CPXM2: variants seen among roughly 807,000 people sequenced by gnomAD.
CPXM2 encodes carboxypeptidase X, M14 family member 2, also known as inactive carboxypeptidase-like protein X2.
A neutral mutation model predicts 86.1 loss-of-function variants in CPXM2; 66 were observed. The ratio of observed to expected loss-of-function variants is 0.77; its 90% CI spans 0.63 to 0.94. The LOEUF (loss-of-function observed/expected upper bound fraction) is 0.94, where lower values mean the gene tolerates loss of function less well. Ranked by LOEUF, CPXM2 falls within the 40% of genes least tolerant of loss-of-function variation. The pLI is 0.00. For synonymous variants in CPXM2, 388 were observed against 400.2 expected (o/e 0.97, Z 0.36); for missense variants, 948 against 1,026.3 (o/e 0.92, Z 1.04).
At chr10:123,798,716 G>C (rs1325376770) in intron 5 of CPXM2, among the ~76,000 whole-genome samples, 1 of 152,222 alleles carries the variant, frequency 6.6e-6, no homozygotes, top group African/African-American at 2.4e-5. Flanking sequence ...CTGAGGAAGA[G>C]AGTGACAGGA....
chr10:123,782,315 C>T (rs1846952849), intron 6 of CPXM2, among the ~76,000 whole-genome samples: 1 of 152,214 alleles, frequency 6.6e-6, no homozygotes, highest in Admixed American at 6.5e-5. Context: ...CCCTAAACCT[C>T]GGGGGCGTCT....
intron 2 of CPXM2, among the ~76,000 whole-genome samples, chr10:123,929,844 T>C (rs553259152): frequency 4.6e-5 from 7 of 152,236 alleles, no homozygotes; most frequent in East Asian, 1.9e-4. Context: ...AAAGACCCCA[T>C]CTGTAATCAG....
At chr10:123,790,075 A>C (rs1847171644) in intron 6 of CPXM2, among the ~76,000 whole-genome samples, 1 of 152,146 alleles carries the variant, frequency 6.6e-6, no homozygotes, top group Non-Finnish European at 1.5e-5. Context: ...CCAAGATCGC[A>C]CCACTGCACT....
intron 9 of CPXM2, among the ~76,000 whole-genome samples, chr10:123,767,936 T>C (rs1256742057): frequency 1.3e-5 from 2 of 152,234 alleles, no homozygotes; most frequent in Non-Finnish European, 2.9e-5. Context: ...ACTATTGGAT[T>C]CCATTATCAT....
At chr10:123,764,771 T>A (rs1048371053) in intron 10 of CPXM2, among the ~76,000 whole-genome samples, 2 of 152,116 alleles carry the variant, frequency 1.3e-5, no homozygotes, top group African/African-American at 4.8e-5. Flanking sequence ...TAAATTAATC[T>A]CCCTTTCTTT....
rs548636115 is a variant in CPXM2, at chr10:123,880,636, T to C, written c.305-327A>G. On this transcript the variant is annotated intron_variant, in intron 1 of 13. Transcript: ENST00000241305. ...CAAGGTCAGGAGATCAAGACCATCCTGGCTAACACGGTGAAACCCTGTCTC... is the reference window on the plus strand; with the variant it reads ...CAAGGTCAGGAGATCAAGACCATCCCGGCTAACACGGTGAAACCCTGTCTC... 2.7e-3 allele frequency among the ~76,000 whole-genome samples: 415 copies of C among 152,074 alleles called. 2 individuals carry two copies. The highest frequency in any genetic ancestry group is 4.5e-3 in the Non-Finnish European group (305 of 67,976).
intron 4 of CPXM2, among the ~76,000 whole-genome samples, chr10:123,799,872 T>C (rs1447851994): frequency 6.6e-6 from 1 of 152,146 alleles, no homozygotes; most frequent in Non-Finnish European, 1.5e-5. Context: ...GTTAACCTGA[T>C]AGCCTTGGCA....
chr10:123,928,567 G>C (rs953084425), intron 2 of CPXM2, among the ~76,000 whole-genome samples: 6 of 152,148 alleles, frequency 3.9e-5, no homozygotes, highest in African/African-American at 1.4e-4. Context: ...TGTGACTTCT[G>C]AGACAAGGTC....
intron 5 of CPXM2, among the ~76,000 whole-genome samples, chr10:123,798,843 A>T (rs1469672632): frequency 6.6e-6 from 1 of 152,254 alleles, no homozygotes; most frequent in Non-Finnish European, 1.5e-5. Flanking sequence ...TGCAACTTCC[A>T]GGGCTAACTT....
chr10:123,775,972 G>T (rs1311053912), intron 7 of CPXM2, among the ~76,000 whole-genome samples: 2 of 152,186 alleles, frequency 1.3e-5, no homozygotes, highest in African/African-American at 4.8e-5. Flanking sequence ...AGGGGTCAAA[G>T]ATTTTTTTTT....
intron 2 of CPXM2, among the ~76,000 whole-genome samples, chr10:123,914,356 G>A (rs1287953644): frequency 2.6e-5 from 4 of 152,102 alleles, no homozygotes; most frequent in Non-Finnish European, 4.4e-5. Flanking sequence ...ATGTTCTTTA[G>A]CGCTGGGTCT....
chr10:123,942,789 G>A (rs1402251915), upstream of CPXM2, among the ~76,000 whole-genome samples: 2 of 152,060 alleles, frequency 1.3e-5, no homozygotes, highest in African/African-American at 2.4e-5. Flanking sequence ...TTTACCCTAC[G>A]GACTAGTCCC....
At chr10:123,781,095 C>T (rs907221516) in intron 6 of CPXM2, among the ~76,000 whole-genome samples, 1 of 152,212 alleles carries the variant, frequency 6.6e-6, no homozygotes, top group Non-Finnish European at 1.5e-5. Context: ...AATCAACCAA[C>T]CCCAGAGCCC....
At chr10:123,852,477 C>G (rs568588775) in intron 3 of CPXM2, among the ~76,000 whole-genome samples, 1 of 152,168 alleles carries the variant, frequency 6.6e-6, no homozygotes, top group Admixed American at 6.5e-5. Flanking sequence ...CTGAAGTCAC[C>G]GCCCTTGACA....
At chr10:123,842,759 T>C (rs1848413360) in intron 3 of CPXM2, among the ~76,000 whole-genome samples, 1 of 152,220 alleles carries the variant, frequency 6.6e-6, no homozygotes, top group Non-Finnish European at 1.5e-5. Context: ...CTACTACTCA[T>C]TCATCTAGCA....
intron 3 of CPXM2, among the ~76,000 whole-genome samples, chr10:123,861,741 T>C (rs560338142): frequency 1.3e-5 from 2 of 152,204 alleles, no homozygotes; most frequent in Non-Finnish European, 2.9e-5. Context: ...GGGAAGAAAA[T>C]TGATTCTCCC....
chr10:123,815,407 T>C (rs568146669), intron 4 of CPXM2, among the ~76,000 whole-genome samples: 2 of 152,296 alleles, frequency 1.3e-5, no homozygotes, highest in Admixed American at 6.5e-5. Context: ...AGTGTTAAAG[T>C]GAGGGCATTC....
chr10:123,779,681 T>C (rs1391412288), intron 7 of CPXM2, among the ~76,000 whole-genome samples: 1 of 152,164 alleles, frequency 6.6e-6, no homozygotes, highest in Non-Finnish European at 1.5e-5. Context: ...TAAGGGGTAG[T>C]GCTATAGTCT....
intron 6 of CPXM2, among the ~76,000 whole-genome samples, chr10:123,782,814 C>T (rs1020181314): frequency 1.3e-5 from 2 of 152,172 alleles, no homozygotes; most frequent in Admixed American, 6.5e-5. Context: ...GGGCTGCATT[C>T]CCAGTAAGTT....
Sources: gnomAD v4.1 joint callset for allele counts (sites outside exome capture counted in the v4.1 genomes callset) on GRCh38, gnomAD v4.1.1 for gene constraint, MANE v1.5 for transcripts, NCBI Gene and HGNC (gene_info 2026-07-23, HGNC 2026-07-21) for gene names.